Variants in DLG3 observed in about 807,000 individuals in gnomAD.
The protein encoded by DLG3 is discs large MAGUK scaffold protein 3.
In DLG3, 1 loss-of-function variant was observed where a neutral mutation model predicts 64.1. That is an observed-to-expected ratio of 0.02 (90% CI 0.01 to 0.07). DLG3 has a LOEUF of 0.07. DLG3 is among the 10% of genes least tolerant of loss of function. DLG3 has a pLI of 1.00. For synonymous variants in DLG3, 245 were observed against 259.8 expected, an observed-to-expected ratio of 0.94 and a Z score of 0.55; for missense variants, 429 against 669.5, an observed-to-expected ratio of 0.64 and a Z score of 3.96.
intron 9 of DLG3, among the ~76,000 whole-genome samples, chrX:70,470,467 G>A (rs748569882): frequency 8.9e-6 from 1 of 111,921 alleles, no homozygotes; most frequent in African/African-American, 3.2e-5. Flanking sequence ...CTCATCTCCA[G>A]TGGTCCGCCC....
At chrX:70,459,837 A>G (rs2086771907) in intron 9 of DLG3, among the ~76,000 whole-genome samples, 1 of 111,245 alleles carries the variant, frequency 9.0e-6, no homozygotes, top group Admixed American at 9.6e-5. Flanking sequence ...GGACAGAATA[A>G]AAGTTTGAGT....
At chrX:70,455,306 C>A in intron 9 of DLG3, 1 of 754,540 alleles carries the variant, frequency 1.3e-6, no homozygotes, top group Non-Finnish European at 1.6e-6. Flanking sequence ...CGCAGTCCCC[C>A]CTAACCTCTC....
At chrX:70,454,622 G>A (rs2086669794) in intron 9 of DLG3, among the ~76,000 whole-genome samples, 1 of 111,964 alleles carries the variant, frequency 8.9e-6, no homozygotes. Flanking sequence ...AGGGGGCGGA[G>A]GGCCCACAGG....
At chrX:70,458,490 C>A (rs889664899) in intron 9 of DLG3, among the ~76,000 whole-genome samples, 2 of 111,536 alleles carry the variant, frequency 1.8e-5, no homozygotes, top group African/African-American at 6.5e-5. Context: ...CAGGGTCTCA[C>A]TATATTGCCC....
chrX:70,468,804 G>C (rs768898469), intron 9 of DLG3, among the ~76,000 whole-genome samples: 1 of 111,830 alleles, frequency 8.9e-6, no homozygotes, highest in African/African-American at 3.2e-5. Flanking sequence ...ATTATTTGCA[G>C]ATTTGAAGAT....
chrX:70,462,492 C>T (rs1413983018), intron 9 of DLG3, among the ~76,000 whole-genome samples: 1 of 110,633 alleles, frequency 9.0e-6, no homozygotes, highest in Admixed American at 9.7e-5. Context: ...TCAGGTGATC[C>T]ACCCACCTCG....
At position 70,451,905 on chromosome X, in the gene DLG3, T is replaced by C; in HGVS notation, c.1024T>C (p.Ser342Pro). The change falls in exon 7 of 19, where the codon TCC becomes CCC. Residue 342 changes from serine to proline, a missense_variant. By Grantham distance (74) the Ser-to-Pro change is moderately conservative. Coordinates refer to ENST00000374360, the MANE Select transcript of DLG3 (RefSeq NM_021120.4). ...ALADNHISHN[S>P]SLGYLGAVES... ...GGCTGACAACCACATAAGCCATAATTCCAGCCTGGGTTATCTCGGGGCTGT... is the reference window on the plus strand; with the variant it reads ...GGCTGACAACCACATAAGCCATAATCCCAGCCTGGGTTATCTCGGGGCTGT... 8.3e-7 allele frequency: 1 copy of C among 1,211,488 alleles called. No homozygotes were observed. The highest frequency in any genetic ancestry group is 1.1e-6 in the Non-Finnish European group (1 of 895,442).
intron 9 of DLG3, among the ~76,000 whole-genome samples, chrX:70,471,166 A>G (rs2086963442): frequency 9.0e-6 from 1 of 110,666 alleles, no homozygotes; most frequent in Admixed American, 9.7e-5. Flanking sequence ...CTAAACCTTG[A>G]GAAGGAAGCA....
chrX:70,445,435 C>T lies in DLG3; in HGVS notation c.234C>T (p.Thr78=), dbSNP rs777648158. The T allele has an allele frequency of 6.7e-6, 8 of 1,200,388 alleles. No homozygotes were observed. In the South Asian group the frequency reaches 1.3e-4, roughly 19 times the overall value. Reference sequence around the variant, plus strand: ...GCACCAAGGCCAAGCTCATCCCCACCGGCCGGGATGTGGGGCCGGTGCCTC... The same window carrying T: ...GCACCAAGGCCAAGCTCATCCCCACTGGCCGGGATGTGGGGCCGGTGCCTC... The part of the protein sequence containing the change: ...TPRTKAKLIP[T]GRDVGPVPPK... Residue 78 remains threonine (T), a synonymous_variant, in exon 1 of 19, where the codon ACC becomes ACT. Transcript: ENST00000374360.
At chrX:70,484,194 G>T (rs1405388869) in intron 10 of DLG3, among the ~76,000 whole-genome samples, 2 of 112,223 alleles carry the variant, frequency 1.8e-5, no homozygotes, top group Non-Finnish European at 3.8e-5. Context: ...GGCTAGCCTG[G>T]CTGCATTCTT....
In DLG3 at chrX:70,450,286, T is replaced by C. The variant is rs1368213856; in HGVS notation, c.821T>C (p.Ile274Thr). 4 of 1,185,763 alleles carry C rather than the reference T, an allele frequency of 3.4e-6. No homozygotes were observed. The highest frequency in any genetic ancestry group is 4.5e-6 in the Non-Finnish European group (4 of 882,882). The change falls in exon 5 of 19, where the codon ATT becomes ACT. Residue 274 changes from isoleucine to threonine, a missense_variant. By Grantham distance (89) the Ile-to-Thr change is moderately conservative. Around this residue, in one of 9 missense-constraint regions of DLG3, gnomAD observed 73 missense variants for 158.5 expected, o/e 0.46. Coordinates refer to ENST00000374360, the MANE Select transcript of DLG3 (RefSeq NM_021120.4). Reference sequence around the variant, plus strand: ...GCTCAGAAGGATGGACGCCTACAGATTGGGGACCGGCTGCTGGCGGTGAGA... The same window carrying C: ...GCTCAGAAGGATGGACGCCTACAGACTGGGGACCGGCTGCTGGCGGTGAGA... ...GAAQKDGRLQIGDRLLAVNNT... is the reference protein window; with the variant it reads ...GAAQKDGRLQTGDRLLAVNNT...
intron 6 of DLG3, 108 bp from the exon 7 acceptor site, chrX:70,451,759 C>A (rs1489528173): frequency 3.1e-6 from 3 of 967,790 alleles, no homozygotes; most frequent in Non-Finnish European, 4.4e-6. Context: ...ATCAGCATCC[C>A]TTGGTCTCTT....
chrX:70,482,734 G>A (rs1378791258), intron 10 of DLG3, among the ~76,000 whole-genome samples: 3 of 98,444 alleles, frequency 3.0e-5, no homozygotes, highest in East Asian at 6.3e-4. Context: ...GCAGTGGCGC[G>A]ATATAGGCTC....
Position 70,464,629 on chromosome X carries a change from A to T in DLG3, c.1405+10313A>T, listed in dbSNP as rs143761872. Among the ~76,000 whole-genome samples the T allele has an allele frequency of 2.7e-4, 30 of 111,470 alleles. No individual in the cohort carries two copies. In the East Asian group the frequency reaches 7.9e-3, roughly 29 times the overall value. ...GTCTTGTCTTCCCCTCTTGAAATGG[A>T]CTTTTGTTTATTTTTTGCTGAATTT... is the stretch of plus-strand genomic sequence containing the variant. On this transcript the variant is annotated intron_variant, in intron 9 of 18. Coordinates refer to ENST00000374360, the MANE Select transcript of DLG3 (RefSeq NM_021120.4).
At chrX:70,483,846 G>A (rs899798725) in intron 10 of DLG3, among the ~76,000 whole-genome samples, 2 of 112,248 alleles carry the variant, frequency 1.8e-5, no homozygotes, top group African/African-American at 6.5e-5. Context: ...TAGATGACCG[G>A]GATAAGCACA....
At chrX:70,488,390 C>T (rs2087296393) in intron 10 of DLG3, among the ~76,000 whole-genome samples, 1 of 112,054 alleles carries the variant, frequency 8.9e-6, no homozygotes, top group South Asian at 3.6e-4. Context: ...GAGCCCTGGT[C>T]TGAGAGTCAC....
chrX:70,471,496 ATT>A (rs1315223933), intron 9 of DLG3, among the ~76,000 whole-genome samples: 3 of 110,119 alleles, frequency 2.7e-5, no homozygotes, highest in African/African-American at 9.9e-5. Flanking sequence ...CGCCCGGCTA[ATT>A]TTTTGTATTT....
chrX:70,450,056 G>A lies in DLG3; in HGVS notation c.704-113G>A, dbSNP rs753516715. ...AGCTTAGCGTTTGGATCCCCCGGGG[G>A]GAGCTCCTGTGGGGCCAGTGGGTTG... On this transcript the variant is annotated intron_variant, in intron 4 of 18. Transcript: ENST00000374360. The A allele has an allele frequency of 5.3e-5, 56 of 1,056,294 alleles. No homozygotes were observed. In the South Asian group the frequency reaches 1.1e-3, roughly 21 times the overall value. 87.1% of individuals were successfully genotyped at this position (1,056,294 alleles called of 1,213,427 possible).
At chrX:70,446,136 C>T (rs958247496) in intron 1 of DLG3, among the ~76,000 whole-genome samples, 2 of 111,022 alleles carry the variant, frequency 1.8e-5, no homozygotes, top group Non-Finnish European at 3.8e-5. Context: ...GGAGATGTCA[C>T]TCTGAATGTG....
Sources: allele counts gnomAD v4.1 joint callset (sites outside exome capture counted in the v4.1 genomes callset), GRCh38; gene constraint gnomAD v4.1.1; regional missense constraint gnomAD v4.1.1; transcripts MANE v1.5; gene names NCBI Gene and HGNC (gene_info 2026-07-23, HGNC 2026-07-21).